Variants in UVRAG observed in about 807,000 individuals in gnomAD.
UVRAG encodes UV radiation resistance-associated gene protein.
In UVRAG, 19 loss-of-function variants were observed where a neutral mutation model predicts 78.0. That is an observed-to-expected ratio of 0.24 (90% CI 0.17 to 0.36). UVRAG has a LOEUF of 0.36. Ranked by LOEUF, UVRAG falls within the 10% of genes least tolerant of loss-of-function variation. The pLI is 1.00. For synonymous variants in UVRAG, 323 were observed against 324.6 expected, an observed-to-expected ratio of 1.00 and a Z score of 0.05; for missense variants, 740 against 853.8, an observed-to-expected ratio of 0.87 and a Z score of 1.66.
At chr11:75,875,566 C>T (rs1946753038) in intron 3 of UVRAG, among the ~76,000 whole-genome samples, 1 of 148,616 alleles carries the variant, frequency 6.7e-6, no homozygotes, top group Admixed American at 6.7e-5. Flanking sequence ...CTCTGGACTG[C>T]TTGCTAAATG....
chr11:76,060,128 T>C (rs185052619), intron 12 of UVRAG, among the ~76,000 whole-genome samples: 14 of 152,312 alleles, frequency 9.2e-5, no homozygotes, highest in African/African-American at 2.6e-4. Context: ...AAAATCAGTT[T>C]CTTTTCACAG....
intron 8 of UVRAG, among the ~76,000 whole-genome samples, chr11:75,986,662 A>G (rs1210451792): frequency 6.6e-6 from 1 of 152,162 alleles, no homozygotes; most frequent in African/African-American, 2.4e-5. Flanking sequence ...GAAAGTGTAT[A>G]ATTCAGTTTT....
Position 75,824,669 on chromosome 11 carries a change from A to ATT in UVRAG, c.117+9166_117+9167dup, listed in dbSNP as rs1217028567. Among the ~76,000 whole-genome samples the ATT allele has an allele frequency of 8.4e-3, 998 of 118,586 alleles. 39 individuals are homozygous for ATT. Among genetic ancestry groups the ATT allele is most frequent in the African/African-American group, 0.025 (756 of 29,752 alleles). The allele number at this position is 118,586 out of a possible 152,430, so 77.8% of individuals were successfully genotyped here. A position where few individuals can be genotyped will look rare whatever the true frequency, so the allele number is the denominator to read the frequency against. ...TGCTGGGGAGAAAAAGAAGTTTGTC[A>ATT]TTTTTTTTTTTTTTTTTTTTTTGAG... On this transcript the variant is annotated intron_variant, in intron 1 of 14. Transcript: ENST00000356136.
chr11:76,011,483 G>T (rs1175142505), intron 11 of UVRAG, among the ~76,000 whole-genome samples: 1 of 152,072 alleles, frequency 6.6e-6, no homozygotes, highest in Non-Finnish European at 1.5e-5. Context: ...AAATTAGCTG[G>T]GTGTGGTGGC....
chr11:75,985,723 A>AG (rs558222392), intron 8 of UVRAG, among the ~76,000 whole-genome samples: 23 of 152,264 alleles, frequency 1.5e-4, no homozygotes, highest in South Asian at 2.1e-4. Context: ...GTAAGGTAGG[A>AG]GTCGAGATTA....
intron 13 of UVRAG, among the ~76,000 whole-genome samples, chr11:76,082,539 C>CA (rs5792708): frequency 0.9 from 91,970 of 101,756 alleles, 41,838 homozygotes; most frequent in Middle Eastern, 0.96. Context: ...GACTCCGTCC[C>CA]AAAAAAAAAA....
intron 12 of UVRAG, among the ~76,000 whole-genome samples, chr11:76,023,771 G>T (rs1950285202): frequency 6.6e-6 from 1 of 152,118 alleles, no homozygotes; most frequent in Non-Finnish European, 1.5e-5. Context: ...TTGATTTAAT[G>T]TTCAGACAAT....
intron 12 of UVRAG, among the ~76,000 whole-genome samples, chr11:76,023,402 T>G (rs1302069677): frequency 6.6e-6 from 1 of 152,138 alleles, no homozygotes. Context: ...CAGCTTTTCT[T>G]CCCAGGCTTT....
At chr11:75,832,616 A>G (rs1007099606) in intron 1 of UVRAG, among the ~76,000 whole-genome samples, 1 of 152,072 alleles carries the variant, frequency 6.6e-6, no homozygotes, top group African/African-American at 2.4e-5. Context: ...GGTTTCAGGG[A>G]GGTTCTATTA....
intron 12 of UVRAG, among the ~76,000 whole-genome samples, chr11:76,044,371 A>G (rs189113545): frequency 2.0e-5 from 3 of 152,360 alleles, no homozygotes; most frequent in Non-Finnish European, 4.4e-5. Context: ...CATGGAAACA[A>G]AGGCTGCTAT....
chr11:76,126,269 A>C (rs1416997766), intron 14 of UVRAG, among the ~76,000 whole-genome samples: 1 of 152,234 alleles, frequency 6.6e-6, no homozygotes, highest in African/African-American at 2.4e-5. Flanking sequence ...AAAGCTAAAA[A>C]TAAACAGGTA....
intron 14 of UVRAG, among the ~76,000 whole-genome samples, chr11:76,133,627 A>G (rs1014951979): frequency 6.6e-6 from 1 of 152,174 alleles, no homozygotes; most frequent in Non-Finnish European, 1.5e-5. Context: ...TTTTAGTCAG[A>G]GAAATAGAGA....
intron 2 of UVRAG, among the ~76,000 whole-genome samples, chr11:75,859,323 C>G (rs1434347377): frequency 6.6e-6 from 1 of 151,624 alleles, no homozygotes; most frequent in African/African-American, 2.4e-5. Context: ...TTGCGGTGAG[C>G]CGAGATCACG....
chr11:75,949,896 T>A (rs1243823117), intron 6 of UVRAG, among the ~76,000 whole-genome samples: 1 of 152,062 alleles, frequency 6.6e-6, no homozygotes, highest in Non-Finnish European at 1.5e-5. Flanking sequence ...GTTCCCTCAT[T>A]TGCCAGAGTT....
chr11:76,120,210 G>C (rs1008785548), intron 14 of UVRAG, among the ~76,000 whole-genome samples: 1 of 152,142 alleles, frequency 6.6e-6, no homozygotes, highest in African/African-American at 2.4e-5. Flanking sequence ...GAGAATCTGG[G>C]CTTTGTGGTT....
rs11236576 is a variant in UVRAG at position 75,887,060 on chromosome 11, G to A, written c.433-1769G>A. The stretch of plus-strand genomic sequence containing the variant: ...GGCTCACTGCAAGCTCCGCCTCCCG[G>A]GTTCAAACAATTCTCCTGCCTCACT... On this transcript the variant is annotated intron_variant, in intron 4 of 14. Transcript: ENST00000356136. Among the ~76,000 whole-genome samples the A allele has an allele frequency of 5.8e-4, 88 of 151,578 alleles. 1 individual carries two copies. In the East Asian group the frequency reaches 0.014, roughly 25 times the overall value.
chr11:76,077,547 A>G (rs1457945198), intron 13 of UVRAG, among the ~76,000 whole-genome samples: 2 of 152,236 alleles, frequency 1.3e-5, no homozygotes, highest in Non-Finnish European at 2.9e-5. Flanking sequence ...TAACTTACAT[A>G]TATAGCTTAT....
chr11:76,120,649 G>T (rs1441821604), intron 14 of UVRAG, among the ~76,000 whole-genome samples: 1 of 152,188 alleles, frequency 6.6e-6, no homozygotes, highest in Non-Finnish European at 1.5e-5. Flanking sequence ...GAACAGGAAT[G>T]TGTCACTTTA....
intron 13 of UVRAG, among the ~76,000 whole-genome samples, chr11:76,070,100 C>A (rs1235578920): frequency 6.6e-6 from 1 of 152,102 alleles, no homozygotes. Context: ...CACACACACA[C>A]AAATAGAATA....
Sources: allele counts gnomAD v4.1 joint callset (sites outside exome capture counted in the v4.1 genomes callset), GRCh38; gene constraint gnomAD v4.1.1; transcripts MANE v1.5; gene names NCBI Gene and HGNC (gene_info 2026-07-23, HGNC 2026-07-21).